The following MS4A1 variants were observed in gnomAD, a reference collection of about 807,000 sequenced individuals.
MS4A1 encodes the protein membrane spanning 4-domains A1.
MS4A1 carries 16 observed loss-of-function variants against 26.5 expected under a neutral mutation model. That is an observed-to-expected ratio of 0.60 (90% CI 0.41 to 0.92). The LOEUF (loss-of-function observed/expected upper bound fraction) is 0.92, where lower values mean the gene tolerates loss of function less well. Among genes scored for constraint, MS4A1 ranks in the 40% least tolerant of loss-of-function variants. MS4A1 has a pLI of 0.00. For synonymous variants in MS4A1, 128 were observed against 117.6 expected, an observed-to-expected ratio of 1.09 and a Z score of -0.57; for missense variants, 350 against 353.0, an observed-to-expected ratio of 0.99 and a Z score of 0.07.
At chr11:60,456,876 C>G (rs570624578) in intron 1 of MS4A1, among the ~76,000 whole-genome samples, 6 of 152,284 alleles carry the variant, frequency 3.9e-5, no homozygotes, top group Non-Finnish European at 7.3e-5. Context: ...GGGGATCCAC[C>G]TGCCTCGGCT....
chr11:60,459,929 T>C (rs1465767396), intron 1 of MS4A1, among the ~76,000 whole-genome samples: 3 of 152,112 alleles, frequency 2.0e-5, no homozygotes, highest in African/African-American at 4.8e-5. Context: ...GATGCCTAAT[T>C]TGAGAGATCC....
At position 60,468,668 on chromosome 11, in the gene MS4A1, G is replaced by A. The variant is rs73483134; in HGVS notation, c.*200G>A. On this transcript the variant is annotated 3_prime_UTR_variant, in exon 8 of 8. Transcript: ENST00000345732. ...CCATTGTAGCAGCTTGTGTTGTCAC[G>A]CTTCTTCTTTTGAGCAACTTTCTTA... The A allele has an allele frequency of 1.8e-4, 108 of 605,954 alleles. No individual in the cohort carries two copies. The highest frequency in any genetic ancestry group is 1.8e-3 in the African/African-American group (95 of 54,032). 37.5% of individuals were successfully genotyped at this position (605,954 alleles called of 1,614,324 possible).
At chr11:60,466,852 T>C in intron 6 of MS4A1, 107 bp from the exon 7 acceptor site, 1 of 1,072,324 alleles carries the variant, frequency 9.3e-7, no homozygotes, top group South Asian at 1.3e-5. Context: ...GTCTAAAGAA[T>C]TGATCTCTTA....
chr11:60,467,433 T>C (rs899533947), intron 7 of MS4A1, among the ~76,000 whole-genome samples: 4 of 152,018 alleles, frequency 2.6e-5, no homozygotes, highest in African/African-American at 4.8e-5. Context: ...CCCGCCATCA[T>C]GCCTGGCCAA....
chr11:60,464,251 A>G (rs2086271804), intron 4 of MS4A1, 37 bp from the exon 5 acceptor site: 5 of 746,720 alleles, frequency 6.7e-6, no homozygotes, highest in Non-Finnish European at 9.0e-6. Flanking sequence ...TGTCTTGCCC[A>G]CCCCCTCTCC....
At chr11:60,464,162 T>C in intron 4 of MS4A1, 126 bp from the exon 5 acceptor site, 1 of 708,208 alleles carries the variant, frequency 1.4e-6, no homozygotes, top group Admixed American at 2.3e-5. Context: ...GATGGTTGTG[T>C]GAAAGTTGCT....
rs1590849987 is a variant in MS4A1, at chr11:60,470,620, T to C, written c.*2152T>C. 6.6e-6 allele frequency: 1 copy of C among 152,144 alleles called. No homozygotes were observed. The highest frequency in any genetic ancestry group is 1.9e-4 in the East Asian group (1 of 5,188). 9.4% of individuals were successfully genotyped at this position (152,144 alleles called of 1,614,324 possible). A position where few individuals can be genotyped will look rare whatever the true frequency, so the allele number is the denominator to read the frequency against. On this transcript the variant is annotated 3_prime_UTR_variant, in exon 8 of 8. Transcript: ENST00000345732. ...GCAATATAGAGTCAAATAATAACAT[T>C]GACCAATAGTAAACATGCTTTGCCA...
chr11:60,461,519 G>A (rs1255238667), intron 2 of MS4A1, among the ~76,000 whole-genome samples: 1 of 151,534 alleles, frequency 6.6e-6, no homozygotes, highest in African/African-American at 2.4e-5. Flanking sequence ...AAGCCTTAGA[G>A]AGCCTTTTCT....
chr11:60,467,365 C>T (rs1460888019), intron 7 of MS4A1, among the ~76,000 whole-genome samples: 1 of 151,062 alleles, frequency 6.6e-6, no homozygotes, highest in Non-Finnish European at 1.5e-5. Context: ...GCAACCTCTG[C>T]CTCCGGGTTC....
intron 1 of MS4A1, among the ~76,000 whole-genome samples, chr11:60,458,693 T>G (rs551465107): frequency 6.6e-6 from 1 of 152,282 alleles, no homozygotes; most frequent in African/African-American, 2.4e-5. Flanking sequence ...GAATCTCCAA[T>G]CTCCGTAGGC....
Position 60,469,261 on chromosome 11 carries a change from G to A in MS4A1, c.*793G>A, listed in dbSNP as rs2086323663. ...TTAGTTATATTTATAATTTCCAGAT[G>A]ACAAAGTATTTCATCAAATAACTTC... On this transcript the variant is annotated 3_prime_UTR_variant, in exon 8 of 8. Coordinates refer to ENST00000345732, the MANE Select transcript of MS4A1 (RefSeq NM_152866.3). The A allele has an allele frequency of 6.6e-6, 1 of 152,220 alleles. No individual in the cohort carries two copies. Among genetic ancestry groups the A allele is most frequent in the African/African-American group, 2.4e-5 (1 of 41,554 alleles). The allele number at this position is 152,220 out of a possible 1,614,324, so 9.4% of individuals were successfully genotyped here.
In MS4A1 at chr11:60,470,499, G is replaced by A. The variant is rs1486188121; in HGVS notation, c.*2031G>A. On this transcript the variant is annotated 3_prime_UTR_variant, in exon 8 of 8. Coordinates refer to ENST00000345732, the MANE Select transcript of MS4A1 (RefSeq NM_152866.3). ...TGACCTCAAATAATTAGTTTTAGCTGACCTCACATAACTCCTTATAATAGG... is the reference window on the plus strand; with the variant it reads ...TGACCTCAAATAATTAGTTTTAGCTAACCTCACATAACTCCTTATAATAGG... 6.6e-6 allele frequency: 1 copy of A among 151,804 alleles called. No homozygotes were observed. The highest frequency in any genetic ancestry group is 1.5e-5 in the Non-Finnish European group (1 of 67,878). 9.4% of individuals were successfully genotyped at this position (151,804 alleles called of 1,614,324 possible).
intron 5 of MS4A1, among the ~76,000 whole-genome samples, chr11:60,464,785 G>C (rs1222936453): frequency 6.6e-6 from 1 of 152,170 alleles, no homozygotes; most frequent in African/African-American, 2.4e-5. Context: ...AACAGTCCTT[G>C]CTACCATGTG....
rs535832821 is a variant in MS4A1, at chr11:60,466,834, C to G, written c.574-125C>G. ...TGTACTAGCAGTTCTCACAGCTATT[C>G]ATTACTTGTCTAAAGAATTGATCTC... On this transcript the variant is annotated intron_variant, in intron 6 of 7. Transcript: ENST00000345732. 14 of 922,642 alleles carry G rather than the reference C, an allele frequency of 1.5e-5. 1 individual carries two copies. The South Asian group carries it at 1.9e-4, about 13-fold the overall frequency. The allele number at this position is 922,642 out of a possible 1,614,324, so 57.2% of individuals were successfully genotyped here. A position where few individuals can be genotyped will look rare whatever the true frequency, so the allele number is the denominator to read the frequency against.
chr11:60,456,530 T>G (rs2086204896), intron 1 of MS4A1, among the ~76,000 whole-genome samples: 1 of 152,158 alleles, frequency 6.6e-6, no homozygotes, highest in African/African-American at 2.4e-5. Flanking sequence ...TGGAGGGGAT[T>G]TGTGGACACC....
At chr11:60,467,522 CA>C (rs1565195622) in intron 7 of MS4A1, among the ~76,000 whole-genome samples, 1 of 151,994 alleles carries the variant, frequency 6.6e-6, no homozygotes, top group Admixed American at 6.6e-5. Context: ...GTGATCCTCC[CA>C]CCTCAGCCTC....
In MS4A1 at chr11:60,462,243, C is replaced by T; in HGVS notation, c.-132C>T. Reference sequence around the variant, plus strand: ...TCACTCGGAAGAGGCCATGTCTACCCTCAATGACACTCATGGAGGAAATGC... The same window carrying T: ...TCACTCGGAAGAGGCCATGTCTACCTTCAATGACACTCATGGAGGAAATGC... On this transcript the variant is annotated 5_prime_UTR_variant, in exon 3 of 8. Coordinates refer to ENST00000345732, the MANE Select transcript of MS4A1 (RefSeq NM_152866.3). The T allele has an allele frequency of 1.0e-6, 1 of 982,064 alleles. No homozygotes were observed. The highest frequency in any genetic ancestry group is 1.6e-6 in the Non-Finnish European group (1 of 628,892). The allele number at this position is 982,064 out of a possible 1,614,324, so 60.8% of individuals were successfully genotyped here.
In MS4A1 at chr11:60,462,982, T is replaced by G; in HGVS notation, c.160-20T>G. On this transcript the variant is annotated intron_variant, in intron 3 of 7. Coordinates refer to ENST00000345732, the MANE Select transcript of MS4A1 (RefSeq NM_152866.3). ...GTGATGATTTCAGCTCATCCACTGC[T>G]GCCTCTGTTCTCTCCCCAGGCTGTC... 6.2e-7 allele frequency: 1 copy of G among 1,612,860 alleles called. No individual in the cohort carries two copies. Among genetic ancestry groups the G allele is most frequent in the Non-Finnish European group, 8.5e-7 (1 of 1,179,988 alleles).
intron 1 of MS4A1, among the ~76,000 whole-genome samples, chr11:60,459,073 C>A (rs891329907): frequency 6.6e-6 from 1 of 152,024 alleles, no homozygotes. Flanking sequence ...TTTATCTCGC[C>A]AATAATACAG....
Sources: allele counts gnomAD v4.1 joint callset (sites outside exome capture counted in the v4.1 genomes callset), GRCh38; gene constraint gnomAD v4.1.1; transcripts MANE v1.5; gene names NCBI Gene and HGNC (gene_info 2026-07-23, HGNC 2026-07-21).